The following LAMP3 variants were observed in gnomAD, a reference collection of about 807,000 sequenced individuals.
LAMP3 encodes the protein lysosome associated membrane protein 3, also known as lysosome-associated membrane glycoprotein 3.
A neutral mutation model predicts 34.8 loss-of-function variants in LAMP3; 26 were observed. The observed-to-expected ratio is 0.75, with a 90% CI of 0.55 to 1.04. LAMP3 has a LOEUF of 1.04. Among genes scored for constraint, LAMP3 ranks in the 50% least tolerant of loss-of-function variants. The probability of loss-of-function intolerance (pLI) is 0.00; values close to 1 mark genes in which losing one functional copy is unlikely to be tolerated. For missense variants in LAMP3, 495 were observed against 524.0 expected (o/e 0.94, Z 0.54); for synonymous variants, 180 against 201.9 (o/e 0.89, Z 0.92).
chr3:183,140,655 GT>G, intron 3 of LAMP3, 60 bp from the exon 4 acceptor site: 2 of 1,138,388 alleles, frequency 1.8e-6, no homozygotes, highest in Non-Finnish European at 2.7e-6. Flanking sequence ...TACAATCTTG[GT>G]TTATAAACTT....
At chr3:183,159,902 T>C (rs1720928119) in intron 1 of LAMP3, among the ~76,000 whole-genome samples, 1 of 152,168 alleles carries the variant, frequency 6.6e-6, no homozygotes, top group Non-Finnish European at 1.5e-5. Context: ...AGCCCTTCTG[T>C]TTTTCCTCCT....
At chr3:183,140,476 G>C in intron 4 of LAMP3, 62 bp downstream of exon 4, 1 of 852,426 alleles carries the variant, frequency 1.2e-6, no homozygotes, top group Admixed American at 1.9e-5. Context: ...TGGGATGAAA[G>C]GTGAGCTAAC....
At chr3:183,127,763 T>TA (rs1719816349) in intron 5 of LAMP3, among the ~76,000 whole-genome samples, 2 of 152,218 alleles carry the variant, frequency 1.3e-5, no homozygotes, top group Admixed American at 1.3e-4. Context: ...GAAACAATCT[T>TA]TGACCTTGAT....
intron 3 of LAMP3, among the ~76,000 whole-genome samples, chr3:183,147,893 T>G (rs1307391236): frequency 1.3e-5 from 2 of 152,158 alleles, no homozygotes; most frequent in African/African-American, 4.8e-5. Flanking sequence ...ATTTTTAAAT[T>G]TTTTGTAGAG....
chr3:183,147,019 G>A (rs888749219), intron 3 of LAMP3, among the ~76,000 whole-genome samples: 1 of 151,886 alleles, frequency 6.6e-6, no homozygotes, highest in Non-Finnish European at 1.5e-5. Flanking sequence ...CGAGGCAGGT[G>A]GATCACGAGG....
chr3:183,124,161 C>T lies in LAMP3; in HGVS notation c.1171G>A (p.Val391Met), dbSNP rs367670540. 216 of 1,610,140 alleles carry T rather than the reference C, an allele frequency of 1.3e-4. 5 individuals carry two copies. The South Asian group carries it at 1.8e-3, about 13-fold the overall frequency. Reference sequence around the variant, plus strand: ...ATACCCATAAGGCAGAGACCAACCACGATGGCCCCAATCACAGGAAGCACA... The same window carrying T: ...ATACCCATAAGGCAGAGACCAACCATGATGGCCCCAATCACAGGAAGCACA... ...TIVLPVIGAI[V>M]VGLCLMGMGV... Residue 391 changes from valine to methionine, a missense_variant, in exon 6 of 6, where the codon GTG (valine) becomes ATG (methionine). By Grantham distance (21) the Val-to-Met change is conservative. Transcript: ENST00000265598.
chr3:183,162,513 G>A, intron 1 of LAMP3, 94 bp downstream of exon 1: 1 of 1,285,662 alleles, frequency 7.8e-7, no homozygotes, highest in Non-Finnish European at 1.1e-6. Context: ...CCTACCCGCA[G>A]CCCGTCCTGT....
upstream of LAMP3, chr3:183,163,771 T>G (rs1433375366): frequency 6.6e-6 from 1 of 152,278 alleles, no homozygotes; most frequent in African/African-American, 2.4e-5. Flanking sequence ...AGGACCGCGG[T>G]TTGCGGGAAG....
chr3:183,144,963 C>T (rs1465671800), intron 3 of LAMP3, among the ~76,000 whole-genome samples: 1 of 152,124 alleles, frequency 6.6e-6, no homozygotes, highest in Non-Finnish European at 1.5e-5. Context: ...GATTCCAGGA[C>T]CTCAGTCGGC....
intron 5 of LAMP3, among the ~76,000 whole-genome samples, chr3:183,130,803 C>A (rs563958231): frequency 5.3e-5 from 8 of 152,308 alleles, no homozygotes; most frequent in African/African-American, 1.9e-4. Context: ...ATTTTCACTA[C>A]CCTAGGTTGG....
intron 3 of LAMP3, among the ~76,000 whole-genome samples, chr3:183,148,469 C>T (rs1279349075): frequency 6.6e-6 from 1 of 152,146 alleles, no homozygotes; most frequent in Non-Finnish European, 1.5e-5. Context: ...AACAACTCAA[C>T]AGTAAAATAT....
chr3:183,162,522 G>A, intron 1 of LAMP3, 85 bp downstream of exon 1: 7 of 1,374,868 alleles, frequency 5.1e-6, no homozygotes, highest in Non-Finnish European at 7.1e-6. Flanking sequence ...AGCCCGTCCT[G>A]TGGCGCCCGG....
rs1444588628 is a variant in LAMP3, at chr3:183,153,852, C to T, written c.589G>A (p.Ala197Thr). 6.2e-7 allele frequency: 1 copy of T among 1,611,050 alleles called. No homozygotes were observed. The highest frequency in any genetic ancestry group is 1.1e-5 in the South Asian group (1 of 90,576). ...QPTHAPGTTA[A>T]AHNTTRTAAP... ...GCTGTGCGGGTGGTATTGTGGGCAG[C>T]TGCCGTTGTTCCTGGGGCATGGGTG... is the stretch of plus-strand genomic sequence containing the variant. Residue 197 changes from alanine (A) to threonine (T), a missense_variant, in exon 2 of 6, where the codon GCT (alanine) becomes ACT (threonine). Ala to Thr is a moderately conservative substitution (Grantham distance 58, BLOSUM62 0). Coordinates refer to ENST00000265598, the MANE Select transcript of LAMP3 (RefSeq NM_014398.4).
At position 183,148,738 on chromosome 3, in the gene LAMP3, T is replaced by A. The variant is rs546355147; in HGVS notation, c.888+3637A>T. 2.6e-5 allele frequency among the ~76,000 whole-genome samples: 4 copies of A among 152,332 alleles called. No individual in the cohort carries two copies. The South Asian group carries it at 8.3e-4, about 32-fold the overall frequency. ...TGGAGAAAAGGGAACCCTCATACACTGCTGGTGAGAATGTAAATTAGTAGA... is the reference window on the plus strand; with the variant it reads ...TGGAGAAAAGGGAACCCTCATACACAGCTGGTGAGAATGTAAATTAGTAGA... On this transcript the variant is annotated intron_variant, in intron 3 of 5. Coordinates refer to ENST00000265598, the MANE Select transcript of LAMP3 (RefSeq NM_014398.4).
chr3:183,132,782 A>T (rs752388866), intron 5 of LAMP3: 4 of 985,356 alleles, frequency 4.1e-6, no homozygotes, highest in Non-Finnish European at 4.8e-6. Flanking sequence ...AATTCCCAAG[A>T]CCTTAACTTT....
At chr3:183,154,588 G>T (rs1384020122) in intron 1 of LAMP3, among the ~76,000 whole-genome samples, 197 bp from the exon 2 acceptor site, 1 of 152,172 alleles carries the variant, frequency 6.6e-6, no homozygotes, top group African/African-American at 2.4e-5. Context: ...GTAATGTTCT[G>T]GTTGTATCCA....
intron 4 of LAMP3, 91 bp downstream of exon 4, chr3:183,140,443 GCATC>G: frequency 2.5e-6 from 1 of 399,674 alleles, no homozygotes; most frequent in African/African-American, 2.6e-5. Flanking sequence ...AAAAAAAGCA[GCATC>G]AAACATGAGA....
chr3:183,157,243 A>G (rs1720847733), intron 1 of LAMP3, among the ~76,000 whole-genome samples: 1 of 152,130 alleles, frequency 6.6e-6, no homozygotes, highest in Non-Finnish European at 1.5e-5. Context: ...CTTTTTTTTA[A>G]ATCGAAAATA....
At chr3:183,136,954 G>A (rs1009676091) in intron 4 of LAMP3, among the ~76,000 whole-genome samples, 1 of 152,002 alleles carries the variant, frequency 6.6e-6, no homozygotes, top group African/African-American at 2.4e-5. Flanking sequence ...GTTGCAGTGA[G>A]CTATGATCAT....
Sources: allele counts gnomAD v4.1 joint callset (sites outside exome capture counted in the v4.1 genomes callset), GRCh38; gene constraint gnomAD v4.1.1; transcripts MANE v1.5; gene names NCBI Gene and HGNC (gene_info 2026-07-23, HGNC 2026-07-21).